The following CCDC18 variants were observed in gnomAD, a reference collection of about 807,000 sequenced individuals.
The protein encoded by CCDC18 is coiled-coil domain-containing protein 18.
CCDC18 carries 157 observed loss-of-function variants against 196.0 expected under a neutral mutation model. The observed-to-expected ratio is 0.80, with a 90% CI of 0.70 to 0.91. CCDC18 has a LOEUF of 0.91. CCDC18 is among the 40% of genes least tolerant of loss of function. The pLI, the probability that CCDC18 is intolerant of heterozygous loss-of-function variation, is 0.00. For missense variants in CCDC18, 1,465 were observed against 1,611.6 expected, an observed-to-expected ratio of 0.91 and a Z score of 1.56; for synonymous variants, 482 against 529.2, an observed-to-expected ratio of 0.91 and a Z score of 1.22.
At chr1:93,267,017 C>G (rs544910762) in intron 27 of CCDC18, among the ~76,000 whole-genome samples, 27 of 152,270 alleles carry the variant, frequency 1.8e-4, no homozygotes, top group African/African-American at 6.0e-4. Flanking sequence ...ACCAATATCC[C>G]TGATGAACAT....
intron 4 of CCDC18, among the ~76,000 whole-genome samples, chr1:93,190,575 C>G (rs1485302009): frequency 6.6e-6 from 1 of 152,004 alleles, no homozygotes; most frequent in Non-Finnish European, 1.5e-5. Flanking sequence ...GTTTGTTGTC[C>G]AGTGGACTTT....
rs980714630 is a variant in CCDC18 at position 93,239,596 on chromosome 1, T to A, written c.2768-87T>A. The A allele has an allele frequency of 5.4e-6, 7 of 1,305,324 alleles. No individual in the cohort carries two copies. The Admixed American group carries it at 6.5e-5, about 12-fold the overall frequency. 80.9% of individuals were successfully genotyped at this position (1,305,324 alleles called of 1,614,324 possible). On this transcript the variant is annotated intron_variant, in intron 20 of 28. Coordinates refer to ENST00000690025, the MANE Select transcript of CCDC18 (RefSeq NM_001378204.1). ...TAAGTGGTATTTTGCCTCTCGTAGA[T>A]GAATATAATTGAATATTCTTAATAT...
At chr1:93,206,666 T>C (rs1484599460) in intron 8 of CCDC18, among the ~76,000 whole-genome samples, 4 of 152,172 alleles carry the variant, frequency 2.6e-5, no homozygotes, top group Non-Finnish European at 5.9e-5. Flanking sequence ...TCATTGATGC[T>C]GGGCTCTTAA....
intron 3 of CCDC18, 107 bp downstream of exon 3, chr1:93,184,253 T>G: frequency 2.6e-6 from 1 of 381,172 alleles, no homozygotes; most frequent in Non-Finnish European, 4.4e-6. Context: ...AAAAAATTTT[T>G]TCTTTAAATA....
At chr1:93,234,238 T>C (rs1361595134) in intron 18 of CCDC18, among the ~76,000 whole-genome samples, 1 of 152,186 alleles carries the variant, frequency 6.6e-6, no homozygotes, top group Non-Finnish European at 1.5e-5. Flanking sequence ...CTTGGCTCAC[T>C]GCAACCTCTG....
chr1:93,234,934 A>AGTGTGTGTGTGTGT (rs759186009), intron 18 of CCDC18, among the ~76,000 whole-genome samples: 2,929 of 67,708 alleles, frequency 0.043, 113 homozygotes, highest in Admixed American at 0.11. Flanking sequence ...TGCCCAGCTA[A>AGTGTGTGTGTGTGT]GAGTGTGTGT....
intron 6 of CCDC18, among the ~76,000 whole-genome samples, chr1:93,198,353 A>C (rs957463037): frequency 6.6e-6 from 1 of 152,346 alleles, no homozygotes; most frequent in East Asian, 1.9e-4. Context: ...AATGCTCAGC[A>C]GAAGAAGCCA....
chr1:93,267,210 T>A (rs958962985), intron 27 of CCDC18, among the ~76,000 whole-genome samples: 1 of 152,154 alleles, frequency 6.6e-6, no homozygotes, highest in East Asian at 1.9e-4. Flanking sequence ...ATTATCTCAA[T>A]AGATGCAGAA....
At position 93,264,690 on chromosome 1, in the gene CCDC18, G is replaced by C; in HGVS notation, c.3685-11G>C. On this transcript the variant is annotated splice_polypyrimidine_tract_variant and intron_variant, in intron 26 of 28. Coordinates refer to ENST00000690025, the MANE Select transcript of CCDC18 (RefSeq NM_001378204.1). ...TTATTTTTTTTCTTTTCCAATTCTG[G>C]GGCTATATAGATGATTTCACATCAA... The C allele has an allele frequency of 6.5e-7, 1 of 1,545,266 alleles. No homozygotes were observed. The highest frequency in any genetic ancestry group is 8.9e-7 in the Non-Finnish European group (1 of 1,127,108).
Position 93,207,293 on chromosome 1 carries a change from G to A in CCDC18, c.1104G>A (p.Lys368=), listed in dbSNP as rs771619326. ...TAATGAATGAAAACCGAGAATTAAA[G>A]GTCCGTGTTGCAGCACAGAATGAGC... is the stretch of plus-strand genomic sequence containing the variant. The part of the protein sequence containing the change: ...FSLMNENREL[K]VRVAAQNERL... Residue 368 remains lysine (K), a synonymous_variant, in exon 9 of 29, where the codon AAG becomes AAA. Transcript: ENST00000690025. The A allele has an allele frequency of 7.4e-6, 12 of 1,613,428 alleles. No homozygotes were observed. Among genetic ancestry groups the A allele is most frequent in the Non-Finnish European group, 1.0e-5 (12 of 1,179,652 alleles).
At chr1:93,246,230 A>G (rs932508554) in intron 22 of CCDC18, 26 bp downstream of exon 22, 8 of 1,509,666 alleles carry the variant, frequency 5.3e-6, no homozygotes, top group Admixed American at 2.0e-5. Context: ...TTATATTTTA[A>G]TGGAGTTTTC....
intron 23 of CCDC18, among the ~76,000 whole-genome samples, chr1:93,247,162 G>A (rs1661595197): frequency 1.3e-5 from 2 of 150,982 alleles, no homozygotes; most frequent in Admixed American, 1.3e-4. Context: ...CTGGGCTCAA[G>A]CAATCCTCCT....
chr1:93,254,341 C>T lies in CCDC18; in HGVS notation c.3199-130C>T, dbSNP rs530736836. On this transcript the variant is annotated intron_variant, in intron 23 of 28. Transcript: ENST00000690025. ...AATTTTTGTGCTTATTTCCAGGATA[C>T]GATTGCCTTAACCTATTTATATTTT... The T allele has an allele frequency of 1.4e-4, 90 of 622,326 alleles. No homozygotes were observed. In the Middle Eastern group the frequency reaches 1.8e-3, roughly 13 times the overall value. The allele number at this position is 622,326 out of a possible 1,614,324, so 38.6% of individuals were successfully genotyped here.
At chr1:93,242,765 G>A (rs569517027) in intron 21 of CCDC18, among the ~76,000 whole-genome samples, 2 of 152,314 alleles carry the variant, frequency 1.3e-5, no homozygotes, top group South Asian at 4.1e-4. Flanking sequence ...GTAGAAATTG[G>A]CCAAAACAAA....
rs772174878 is a variant in CCDC18 at position 93,226,657 on chromosome 1, C to CTG, written c.2292+212_2292+213dup. ...CAAGCAATTCTTGTGCCTCAGCCTC[C>CTG]TGTGTAGCTAGGATTACAGGTATGC... On this transcript the variant is annotated intron_variant, in intron 17 of 28. Coordinates refer to ENST00000690025, the MANE Select transcript of CCDC18 (RefSeq NM_001378204.1). 1.5e-4 allele frequency among the ~76,000 whole-genome samples: 23 copies of CTG among 151,978 alleles called. No individual in the cohort carries two copies. In the East Asian group the frequency reaches 4.1e-3, roughly 27 times the overall value.
chr1:93,228,903 A>G (rs1658820356), intron 17 of CCDC18, among the ~76,000 whole-genome samples: 1 of 152,106 alleles, frequency 6.6e-6, no homozygotes, highest in Admixed American at 6.5e-5. Flanking sequence ...AGATATTTAC[A>G]CACAAAATAA....
chr1:93,248,606 A>G (rs1198634776), intron 23 of CCDC18, among the ~76,000 whole-genome samples: 1 of 152,156 alleles, frequency 6.6e-6, no homozygotes, highest in African/African-American at 2.4e-5. Context: ...CATCAGGGAT[A>G]TTGGCCTGTT....
rs1174284767 is a variant in CCDC18, at chr1:93,258,771, T to C, written c.3570T>C (p.Ala1190=). The C allele has an allele frequency of 1.3e-6, 2 of 1,567,570 alleles. No homozygotes were observed. The highest frequency in any genetic ancestry group is 1.7e-6 in the Non-Finnish European group (2 of 1,159,878). Residue 1190 remains alanine (A), a synonymous_variant, in exon 26 of 29, where the codon GCT becomes GCC. Transcript: ENST00000690025. ...KEKDAHGNHL[A]EELGASKVRE... Reference sequence around the variant, plus strand: ...AGGATGCTCATGGAAACCATTTAGCTGAAGAACTGGGGGCTTCTAAAGTAC... The same window carrying C: ...AGGATGCTCATGGAAACCATTTAGCCGAAGAACTGGGGGCTTCTAAAGTAC...
At chr1:93,205,472 C>T in intron 7 of CCDC18, 38 bp from the exon 8 acceptor site, 1 of 1,539,558 alleles carries the variant, frequency 6.5e-7, no homozygotes, top group African/African-American at 1.4e-5. Context: ...CTAAAACTTA[C>T]AACCACATTA....
Sources: gnomAD v4.1 joint callset for allele counts (sites outside exome capture counted in the v4.1 genomes callset) on GRCh38, gnomAD v4.1.1 for gene constraint, MANE v1.5 for transcripts, NCBI Gene and HGNC (gene_info 2026-07-23, HGNC 2026-07-21) for gene names.